The following ICA1L variants were observed in gnomAD, a reference collection of about 807,000 sequenced individuals.
ICA1L encodes islet cell autoantigen 1-like protein.
Under a neutral mutation model 61.3 loss-of-function variants are expected in ICA1L, and 50 were observed. That is an observed-to-expected ratio of 0.82 (90% CI 0.65 to 1.03). The LOEUF (loss-of-function observed/expected upper bound fraction) is 1.03, where lower values mean the gene tolerates loss of function less well. ICA1L is among the 50% of genes least tolerant of loss of function. The pLI is 0.00. For missense variants in ICA1L, 508 were observed against 556.7 expected (o/e 0.91, Z 0.88); for synonymous variants, 161 against 191.3 (o/e 0.84, Z 1.31).
intron 11 of ICA1L, among the ~76,000 whole-genome samples, chr2:202,787,947 C>T (rs910243549): frequency 7.2e-5 from 11 of 152,168 alleles, no homozygotes; most frequent in African/African-American, 2.4e-4. Flanking sequence ...GGCCCACGTC[C>T]AAGCTCCATT....
intron 9 of ICA1L, among the ~76,000 whole-genome samples, chr2:202,806,525 A>G (rs1210535813): frequency 6.6e-6 from 1 of 152,046 alleles, no homozygotes. Context: ...ACACACCTAT[A>G]GTCCCAGCTA....
chr2:202,855,848 G>C (rs2105884936), intron 1 of ICA1L, among the ~76,000 whole-genome samples: 1 of 152,144 alleles, frequency 6.6e-6, no homozygotes, highest in Non-Finnish European at 1.5e-5. Context: ...GGCCAAGGCG[G>C]GCAGATCACA....
intron 10 of ICA1L, among the ~76,000 whole-genome samples, chr2:202,795,338 GT>G (rs546997573): frequency 4.9e-4 from 75 of 152,164 alleles, no homozygotes; most frequent in African/African-American, 1.7e-3. Flanking sequence ...TGGGCAGGGA[GT>G]GGTGGCACAC....
intron 1 of ICA1L, among the ~76,000 whole-genome samples, chr2:202,839,719 C>A (rs187284175): frequency 6.8e-4 from 104 of 152,004 alleles, no homozygotes; most frequent in African/African-American, 2.4e-3. Flanking sequence ...GGACTTAGTA[C>A]TACCATTTTG....
intron 9 of ICA1L, among the ~76,000 whole-genome samples, chr2:202,809,526 T>C (rs1443077210): frequency 6.6e-6 from 1 of 152,000 alleles, no homozygotes; most frequent in African/African-American, 2.4e-5. Flanking sequence ...TGCATGCCTG[T>C]AATTCCAGTT....
At chr2:202,846,616 CACACCCA>C (rs961185688) in intron 1 of ICA1L, among the ~76,000 whole-genome samples, 7 of 152,156 alleles carry the variant, frequency 4.6e-5, no homozygotes, top group Non-Finnish European at 1.0e-4. Context: ...TGAAGCCTAA[CACACCCA>C]ACACTGTAAC....
At chr2:202,862,952 A>G (rs1353160794) in intron 1 of ICA1L, among the ~76,000 whole-genome samples, 3 of 152,074 alleles carry the variant, frequency 2.0e-5, no homozygotes, top group African/African-American at 7.2e-5. Context: ...TGTGGAATTC[A>G]ACTAAAGCAT....
At position 202,799,940 on chromosome 2, in the gene ICA1L, C is replaced by T. The variant is rs952299547; in HGVS notation, c.911-2976G>A. On this transcript the variant is annotated intron_variant, in intron 9 of 12. Coordinates refer to ENST00000358299, the MANE Select transcript of ICA1L (RefSeq NM_001288622.3). ...GTTGCCAGGCTGGAGTGCAGTGGCA[C>T]GATCTCGGCTCACTGCATTCTCCGC... Among the ~76,000 whole-genome samples, 17 of 150,528 alleles carry T rather than the reference C, an allele frequency of 1.1e-4. 1 individual carries two copies. Among genetic ancestry groups the T allele is most frequent in the African/African-American group, 3.4e-4 (14 of 40,866 alleles).
At chr2:202,803,063 T>A (rs1235915929) in intron 9 of ICA1L, among the ~76,000 whole-genome samples, 1 of 149,598 alleles carries the variant, frequency 6.7e-6, no homozygotes, top group Non-Finnish European at 1.5e-5. Context: ...TACTGGGCTT[T>A]AAAAAAAAAA....
intron 1 of ICA1L, 56 bp from the exon 2 acceptor site, chr2:202,829,072 G>A (rs939908077): frequency 7.0e-7 from 1 of 1,426,478 alleles, no homozygotes; most frequent in Non-Finnish European, 9.4e-7. Context: ...TAATAGGCTG[G>A]GCACGGTGGC....
rs140790097 is a variant in ICA1L, at chr2:202,779,609, T to C, written c.1373A>G (p.Asn458Ser). Residue 458 changes from asparagine (N) to serine (S), a missense_variant, in exon 13 of 13, where the codon AAT (asparagine) becomes AGT (serine). Transcript: ENST00000358299. Reference sequence around the variant, plus strand: ...AAGTGGATCCAAGTCTGCAAACAGATTGAACCAGGCTGACATGTCTTGGTT... The same window carrying C: ...AAGTGGATCCAAGTCTGCAAACAGACTGAACCAGGCTGACATGTCTTGGTT... ...NGNQDMSAWF[N>S]LFADLDPLSN... The C allele has an allele frequency of 3.2e-5, 52 of 1,613,416 alleles. No individual in the cohort carries two copies. The highest frequency in any genetic ancestry group is 2.0e-4 in the African/African-American group (15 of 75,002).
At position 202,778,198 on chromosome 2, in the gene ICA1L, T is replaced by C. The variant is rs1692285410; in HGVS notation, c.*1335A>G. On this transcript the variant is annotated 3_prime_UTR_variant, in exon 13 of 13. Transcript: ENST00000358299. Reference sequence around the variant, plus strand: ...CCCAGCCAGTCAAAATGTCTTCTTATGGAAATGCAATGGACTGGATGACAA... The same window carrying C: ...CCCAGCCAGTCAAAATGTCTTCTTACGGAAATGCAATGGACTGGATGACAA... The C allele has an allele frequency of 6.6e-6, 1 of 152,146 alleles. No homozygotes were observed. The highest frequency in any genetic ancestry group is 2.1e-4 in the South Asian group (1 of 4,832). The allele number at this position is 152,146 out of a possible 1,614,324, so 9.4% of individuals were successfully genotyped here.
chr2:202,841,668 A>T (rs993352569), intron 1 of ICA1L: 24 of 568,294 alleles, frequency 4.2e-5, no homozygotes, highest in Non-Finnish European at 7.8e-5. Context: ...AAGCTCAAGG[A>T]GCTGATGCAG....
chr2:202,846,247 T>C (rs1694460406), intron 1 of ICA1L, among the ~76,000 whole-genome samples: 1 of 150,904 alleles, frequency 6.6e-6, no homozygotes, highest in Non-Finnish European at 1.5e-5. Flanking sequence ...TTTTGGTTTT[T>C]CTTTCTTTCT....
intron 1 of ICA1L, among the ~76,000 whole-genome samples, chr2:202,868,358 CAT>C (rs1293477373): frequency 2.0e-5 from 3 of 152,186 alleles, no homozygotes; most frequent in African/African-American, 7.2e-5. Flanking sequence ...AACTGGAACT[CAT>C]ATATTGCTGA....
chr2:202,856,432 C>A (rs780145397), intron 1 of ICA1L, among the ~76,000 whole-genome samples: 3 of 152,100 alleles, frequency 2.0e-5, no homozygotes, highest in Non-Finnish European at 4.4e-5. Flanking sequence ...ATTCAACACC[C>A]CTTCACGCTA....
At chr2:202,813,621 G>A (rs1386121574) in intron 8 of ICA1L, among the ~76,000 whole-genome samples, 1 of 152,086 alleles carries the variant, frequency 6.6e-6, no homozygotes, top group African/African-American at 2.4e-5. Flanking sequence ...AAGGCGCGTT[G>A]GGCTTTATAA....
chr2:202,814,617 G>T, intron 8 of ICA1L, 85 bp downstream of exon 8: 1 of 851,002 alleles, frequency 1.2e-6, no homozygotes, highest in East Asian at 2.5e-5. Flanking sequence ...TATTCAGTAA[G>T]AGAAGAAACA....
At chr2:202,806,184 G>A (rs1452566792) in intron 9 of ICA1L, among the ~76,000 whole-genome samples, 6 of 152,102 alleles carry the variant, frequency 3.9e-5, no homozygotes, top group Non-Finnish European at 7.3e-5. Flanking sequence ...CAGCTCCAGG[G>A]GAAACTCCTT....
Sources: allele counts gnomAD v4.1 joint callset (sites outside exome capture counted in the v4.1 genomes callset), GRCh38; gene constraint gnomAD v4.1.1; transcripts MANE v1.5; gene names NCBI Gene and HGNC (gene_info 2026-07-23, HGNC 2026-07-21).